NUSAP1: variants seen among roughly 807,000 people sequenced by gnomAD.
The protein encoded by NUSAP1 is nucleolar and spindle-associated protein 1.
Under a neutral mutation model 52.8 loss-of-function variants are expected in NUSAP1, and 32 were observed. That is an observed-to-expected ratio of 0.61 (90% confidence interval 0.46 to 0.81). The LOEUF (loss-of-function observed/expected upper bound fraction) is 0.81. Ranked by LOEUF, NUSAP1 falls within the 40% of genes least tolerant of loss-of-function variation. The probability of loss-of-function intolerance (pLI) is 0.00; values close to 1 mark genes in which losing one functional copy is unlikely to be tolerated. For missense variants in NUSAP1, 499 were observed against 522.3 expected (o/e 0.96, Z 0.43); for synonymous variants, 195 against 183.1 (o/e 1.06, Z -0.52).
At chr15:41,362,898 C>T (rs539624663) in intron 6 of NUSAP1, among the ~76,000 whole-genome samples, 100 of 152,134 alleles carry the variant, frequency 6.6e-4, no homozygotes, top group Non-Finnish European at 1.1e-3. Flanking sequence ...GCTTGAAGCC[C>T]GTAGGCGGAG....
chr15:41,361,369 G>A (rs1263458330), intron 6 of NUSAP1, among the ~76,000 whole-genome samples: 2 of 151,818 alleles, frequency 1.3e-5, no homozygotes, highest in East Asian at 3.9e-4. Flanking sequence ...CTCCAGCCTG[G>A]GCAACAAGAG....
intron 9 of NUSAP1, 67 bp downstream of exon 9, chr15:41,375,895 A>C: frequency 9.3e-7 from 1 of 1,079,510 alleles, no homozygotes; most frequent in Non-Finnish European, 1.4e-6. Flanking sequence ...GCAGTGGCTC[A>C]CACCTACTAA....
intron 2 of NUSAP1, among the ~76,000 whole-genome samples, chr15:41,346,525 G>A (rs899543445): frequency 6.6e-6 from 1 of 151,688 alleles, no homozygotes; most frequent in Non-Finnish European, 1.5e-5. Flanking sequence ...CCTAGGCTGG[G>A]GAACTTTTTA....
intron 8 of NUSAP1, 138 bp downstream of exon 8, chr15:41,371,822 G>A: frequency 1.0e-6 from 1 of 977,066 alleles, no homozygotes; most frequent in Non-Finnish European, 1.5e-6. Context: ...CCAGGCTAGA[G>A]TGTAATGGCG....
intron 6 of NUSAP1, among the ~76,000 whole-genome samples, chr15:41,359,760 G>A (rs941866113): frequency 3.3e-5 from 5 of 151,554 alleles, no homozygotes; most frequent in African/African-American, 9.7e-5. Flanking sequence ...AGCCTCCCCA[G>A]TAGCTGAGAT....
chr15:41,355,491 A>G (rs1372805508), intron 4 of NUSAP1, among the ~76,000 whole-genome samples: 2 of 151,424 alleles, frequency 1.3e-5, no homozygotes, highest in African/African-American at 4.8e-5. Context: ...TAATATGTTT[A>G]TATAACTTCT....
intron 2 of NUSAP1, among the ~76,000 whole-genome samples, chr15:41,347,682 C>T (rs1024836923): frequency 1.3e-5 from 2 of 151,810 alleles, no homozygotes; most frequent in Non-Finnish European, 1.5e-5. Context: ...GGCGTGGTGG[C>T]GGGCGCCTGT....
chr15:41,377,592 G>C (rs756024027), intron 10 of NUSAP1, among the ~76,000 whole-genome samples: 1 of 151,384 alleles, frequency 6.6e-6, no homozygotes. Context: ...CCAGCTACTC[G>C]GGAGGCTGAG....
chr15:41,377,676 G>A (rs1241916084), intron 10 of NUSAP1, among the ~76,000 whole-genome samples: 18 of 146,896 alleles, frequency 1.2e-4, no homozygotes, highest in Non-Finnish European at 1.9e-4. Context: ...TCTAGCCTGC[G>A]TGACAGAGCC....
At chr15:41,364,640 G>T (rs1160448228) in intron 6 of NUSAP1, among the ~76,000 whole-genome samples, 2 of 152,036 alleles carry the variant, frequency 1.3e-5, no homozygotes, top group African/African-American at 4.8e-5. Flanking sequence ...CACCAAGGCA[G>T]GCAGATCACT....
In NUSAP1 at chr15:41,349,071, A is replaced by G; in HGVS notation, c.163-27A>G. 1.9e-6 allele frequency: 3 copies of G among 1,608,404 alleles called. 1 individual carries two copies. Among genetic ancestry groups the G allele is most frequent in the African/African-American group, 1.3e-5 (1 of 74,942 alleles). On this transcript the variant is annotated intron_variant, in intron 2 of 10. Transcript: ENST00000559596. ...AGCATTATAACTGTAGACATAGCAC[A>G]TAGCAGATTAATACCTCTCTTTTCA... is the stretch of plus-strand genomic sequence containing the variant.
chr15:41,365,587 C>A lies in NUSAP1; in HGVS notation c.846C>A (p.Val282=). The change falls in exon 7 of 11, where the codon GTC becomes GTA. Residue 282 remains valine (V), a splice_region_variant and synonymous_variant. Transcript: ENST00000559596. ...CTATCTCTGCAGCTAAAACGGGTGT[C>A]AGGTAAAGAAATCACTCCAAAATGT... The part of the protein sequence containing the change: ...RSAISAAKTG[V]RFSAATKDNE... 1 of 1,586,702 alleles carries A rather than the reference C, an allele frequency of 6.3e-7. No homozygotes were observed. The highest frequency in any genetic ancestry group is 8.6e-7 in the Non-Finnish European group (1 of 1,162,124).
At chr15:41,339,789 T>A (rs1018269648) in intron 1 of NUSAP1, among the ~76,000 whole-genome samples, 1 of 152,092 alleles carries the variant, frequency 6.6e-6, no homozygotes, top group Non-Finnish European at 1.5e-5. Context: ...TCTATTTTTT[T>A]ATTTTTTTTG....
Position 41,349,145 on chromosome 15 carries a change from G to C in NUSAP1, c.210G>C (p.Gln70His). 6.2e-7 allele frequency: 1 copy of C among 1,613,896 alleles called. No homozygotes were observed. Among genetic ancestry groups the C allele is most frequent in the Non-Finnish European group, 8.5e-7 (1 of 1,179,826 alleles). ...SASSCDETEIQISNQEEAERQ... is the reference protein window; with the variant it reads ...SASSCDETEIHISNQEEAERQ... The stretch of plus-strand genomic sequence containing the variant: ...CCTCTTGTGATGAGACTGAGATACA[G>C]ATCAGCAACCAGGAAGAAGCTGAGA... The change falls in exon 3 of 11, where the codon CAG (glutamine) becomes CAC (histidine). Residue 70 changes from glutamine to histidine, a missense_variant. Physicochemically the swap from Gln to His is conservative, Grantham distance 24. Transcript: ENST00000559596.
chr15:41,334,612 C>T, intron 1 of NUSAP1, among the ~76,000 whole-genome samples: 1 of 152,162 alleles, frequency 6.6e-6, no homozygotes, highest in East Asian at 1.9e-4. Context: ...AGGCTGCATC[C>T]CTGAACACTT....
At chr15:41,375,955 A>G (rs2049915731) in intron 9 of NUSAP1, 127 bp downstream of exon 9, 1 of 624,990 alleles carries the variant, frequency 1.6e-6, no homozygotes. Context: ...AATCCCAGAT[A>G]CTTAGGATGC....
chr15:41,356,811 T>C (rs139156361), intron 5 of NUSAP1, among the ~76,000 whole-genome samples: 14 of 151,950 alleles, frequency 9.2e-5, no homozygotes, highest in Non-Finnish European at 1.8e-4. Context: ...TTCTAATGAG[T>C]TTTTCATAAG....
At chr15:41,367,079 G>A (rs28535540) in intron 7 of NUSAP1, among the ~76,000 whole-genome samples, 32,307 of 152,186 alleles carry the variant, frequency 0.21, 3,711 homozygotes, top group Non-Finnish European at 0.25. Context: ...TTGGGACCGT[G>A]GGGCTGTTTC....
intron 6 of NUSAP1, among the ~76,000 whole-genome samples, chr15:41,359,468 C>A (rs2049087315): frequency 6.6e-6 from 1 of 152,092 alleles, no homozygotes; most frequent in African/African-American, 2.4e-5. Context: ...AGTCACTCAG[C>A]TGAGTTTAAG....
Sources: allele counts gnomAD v4.1 joint callset (sites outside exome capture counted in the v4.1 genomes callset), GRCh38; gene constraint gnomAD v4.1.1; transcripts MANE v1.5; gene names NCBI Gene and HGNC (gene_info 2026-07-23, HGNC 2026-07-21).